DMD: variants seen among roughly 807,000 people sequenced by gnomAD.
DMD encodes the protein mutant dystrophin.
Under a neutral mutation model 330.1 loss-of-function variants are expected in DMD, and 63 were observed. The observed-to-expected ratio is 0.19, with a 90% CI of 0.16 to 0.24. DMD has a LOEUF of 0.24. DMD is among the 10% of genes least tolerant of loss of function. DMD has a pLI of 1.00. For missense variants in DMD, 3,344 were observed against 2,684.1 expected (o/e 1.25, Z -5.43); for synonymous variants, 1,223 against 959.8 (o/e 1.27, Z -5.07).
intron 17 of DMD, among the ~76,000 whole-genome samples, chrX:32,525,550 A>C (rs1184579368): frequency 1.8e-5 from 2 of 111,799 alleles, no homozygotes; most frequent in Non-Finnish European, 1.9e-5. Context: ...CCTGGCTTCC[A>C]AGAAGCAATT....
chrX:33,025,299 TACACGCTCA>T (rs1174364926), intron 1 of DMD, among the ~76,000 whole-genome samples: 4 of 111,273 alleles, frequency 3.6e-5, no homozygotes, highest in Non-Finnish European at 7.5e-5. Context: ...AAACTGAAAG[TACACGCTCA>T]TTCATTATGC....
rs1569540531 is a variant in DMD at position 31,422,034 on chromosome X, TATATATATA to T, written c.9084+22438_9084+22446del. Reference sequence around the variant, plus strand: ...ATATATATAAACACACACACATATATATATATATATTTTTTTTTTTCTTTTTCTTTTTGA... The same window carrying T: ...ATATATATAAACACACACACATATATTTTTTTTTTTTCTTTTTCTTTTTGA... On this transcript the variant is annotated intron_variant, in intron 60 of 78. Coordinates refer to ENST00000357033, the MANE Select transcript of DMD (RefSeq NM_004006.3). Among the ~76,000 whole-genome samples the T allele has an allele frequency of 0.014, 143 of 9,952 alleles. 5 individuals carry two copies. The South Asian group carries it at 0.26, about 18-fold the overall frequency. 8.6% of individuals were successfully genotyped at this position (9,952 alleles called of 115,157 possible). A position where few individuals can be genotyped will look rare whatever the true frequency, so the allele number is the denominator to read the frequency against.
At chrX:33,307,233 A>G (rs747320683) in intron 1 of DMD, among the ~76,000 whole-genome samples, 76 of 111,964 alleles carry the variant, frequency 6.8e-4, no homozygotes, top group African/African-American at 2.3e-3. Flanking sequence ...AAAGAATTCA[A>G]TTTCTACTGG....
At chrX:31,404,223 C>A (rs73617086) in intron 60 of DMD, among the ~76,000 whole-genome samples, 1 of 110,871 alleles carries the variant, frequency 9.0e-6, no homozygotes, top group African/African-American at 3.3e-5. Flanking sequence ...AATTAAGGTG[C>A]ACATATATGA....
At chrX:32,490,684 C>T (rs1360534124) in intron 20 of DMD, among the ~76,000 whole-genome samples, 2 of 111,571 alleles carry the variant, frequency 1.8e-5, no homozygotes, top group Non-Finnish European at 3.8e-5. Flanking sequence ...TATAACTGCT[C>T]TCTCACTGAT....
At position 31,608,282 on chromosome X, in the gene DMD, T is replaced by C. The variant is rs1454633171; in HGVS notation, c.8217+19391A>G. On this transcript the variant is annotated intron_variant, in intron 55 of 78. Coordinates refer to ENST00000357033, the MANE Select transcript of DMD (RefSeq NM_004006.3). ...TTTGATATAAGGAGTGGGTAGCTAA[T>C]ATGTTTTCCAAAATTTAGTACAGAA... Among the ~76,000 whole-genome samples, 5 of 111,930 alleles carry C rather than the reference T, an allele frequency of 4.5e-5. No homozygotes were observed. In the Admixed American group the frequency reaches 4.8e-4, roughly 11 times the overall value.
chrX:32,017,659 G>A (rs924469372), intron 44 of DMD, among the ~76,000 whole-genome samples: 1 of 111,659 alleles, frequency 9.0e-6, no homozygotes, highest in African/African-American at 3.3e-5. Context: ...TGGAGGTAGC[G>A]CCAGAAGTAT....
At chrX:32,680,627 AG>A (rs2062339010) in intron 9 of DMD, among the ~76,000 whole-genome samples, 1 of 112,541 alleles carries the variant, frequency 8.9e-6, no homozygotes, top group South Asian at 3.7e-4. Context: ...ATTTGTTAAA[AG>A]ACTCATATAT....
chrX:32,199,829 T>TGTGTGTGTGTGTGTG (rs2097025630), intron 44 of DMD, among the ~76,000 whole-genome samples: 3 of 102,478 alleles, frequency 2.9e-5, no homozygotes, highest in Non-Finnish European at 6.0e-5. Context: ...TGTGTGTGTA[T>TGTGTGTGTGTGTGTG]TTTTAGTAGA....
chrX:31,568,405 C>T (rs753345795), intron 55 of DMD, among the ~76,000 whole-genome samples: 54 of 111,090 alleles, frequency 4.9e-4, no homozygotes, highest in Non-Finnish European at 3.8e-5. Context: ...CTTTTTTCAG[C>T]TCTATTCATT....
At chrX:32,416,793 A>T (rs1388544630) in intron 29 of DMD, among the ~76,000 whole-genome samples, 1 of 111,715 alleles carries the variant, frequency 9.0e-6, no homozygotes, top group Non-Finnish European at 1.9e-5. Context: ...AGAGGACATT[A>T]ATCTCCATTT....
At chrX:32,771,694 T>C (rs997212145) in intron 7 of DMD, among the ~76,000 whole-genome samples, 1 of 111,651 alleles carries the variant, frequency 9.0e-6, no homozygotes, top group Non-Finnish European at 1.9e-5. Flanking sequence ...CTCTCCAAAA[T>C]ATACGAGTTT....
In DMD at chrX:32,217,068, A is replaced by G; in HGVS notation, c.6291-5T>C. 1 of 1,206,906 alleles carries G rather than the reference A, an allele frequency of 8.3e-7. No homozygotes were observed. The highest frequency in any genetic ancestry group is 1.1e-6 in the Non-Finnish European group (1 of 891,608). ...TCAACAGATCTGTCAAATCGCCTGC[A>G]GGTAAAAGCATATGGATCAAGAAAA... On this transcript the variant is annotated splice_polypyrimidine_tract_variant and splice_region_variant and intron_variant, in intron 43 of 78. Coordinates refer to ENST00000357033, the MANE Select transcript of DMD (RefSeq NM_004006.3).
At chrX:31,355,885 T>G (rs1195775710) in intron 60 of DMD, among the ~76,000 whole-genome samples, 2 of 106,357 alleles carry the variant, frequency 1.9e-5, no homozygotes, top group East Asian at 3.0e-4. Flanking sequence ...AAAAAAAAAG[T>G]CTGAGATAAG....
intron 1 of DMD, 87 bp from the exon 2 acceptor site, chrX:33,020,287 T>C (rs1314931550): frequency 2.2e-5 from 14 of 643,004 alleles, no homozygotes; most frequent in Non-Finnish European, 3.4e-5. Context: ...TCCATTATGA[T>C]GTGTTAGTGT....
exon 1 of DMD, chrX:33,339,291 T>C (rs1046148281): frequency 9.7e-7 from 1 of 1,027,058 alleles, no homozygotes. Context: ...TGTCACTCCA[T>C]CATGCCAATA....
At chrX:32,714,562 A>G (rs1275591585) in intron 7 of DMD, among the ~76,000 whole-genome samples, 1 of 111,434 alleles carries the variant, frequency 9.0e-6, no homozygotes, top group South Asian at 3.7e-4. Flanking sequence ...TTATCTACTC[A>G]TGGACACAAC....
chrX:32,106,320 C>T (rs186596695), intron 44 of DMD, among the ~76,000 whole-genome samples: 1 of 111,904 alleles, frequency 8.9e-6, no homozygotes, highest in African/African-American at 3.2e-5. Flanking sequence ...AAATTAACCT[C>T]TACCCATAAC....
chrX:31,865,422 T>G (rs770176895), intron 48 of DMD, among the ~76,000 whole-genome samples: 45 of 112,341 alleles, frequency 4.0e-4, no homozygotes, highest in African/African-American at 1.3e-3. Context: ...TAAAGGTCTC[T>G]TCCTTGTTCC....
Sources: gnomAD v4.1 joint callset for allele counts (sites outside exome capture counted in the v4.1 genomes callset) on GRCh38, gnomAD v4.1.1 for gene constraint, MANE v1.5 for transcripts, NCBI Gene and HGNC (gene_info 2026-07-23, HGNC 2026-07-21) for gene names.